The following PALLD variants were observed in gnomAD, a reference collection of about 807,000 sequenced individuals.
PALLD encodes the protein palladin, cytoskeletal associated protein.
PALLD carries 61 observed loss-of-function variants against 123.5 expected under a neutral mutation model. The ratio of observed to expected loss-of-function variants is 0.49; its 90% CI spans 0.40 to 0.61. The LOEUF is 0.61. PALLD is among the 20% of genes least tolerant of loss of function. The pLI is 0.00. For synonymous variants in PALLD, 465 were observed against 496.4 expected, an observed-to-expected ratio of 0.94 and a Z score of 0.84; for missense variants, 1,273 against 1,377.0, an observed-to-expected ratio of 0.92 and a Z score of 1.20.
chr4:168,631,537 G>T, intron 2 of PALLD: 1 of 849,590 alleles, frequency 1.2e-6, no homozygotes, highest in Non-Finnish European at 1.4e-6. Flanking sequence ...TCCTCCCCAG[G>T]ACACACCCTC....
intron 10 of PALLD, among the ~76,000 whole-genome samples, chr4:168,758,835 C>T (rs552567764): frequency 1.2e-3 from 188 of 152,010 alleles, no homozygotes; most frequent in African/African-American, 4.4e-3. Context: ...GCTAGACTCA[C>T]AGATCCATGG....
chr4:168,716,737 T>C (rs1309154132), intron 10 of PALLD, among the ~76,000 whole-genome samples: 1 of 152,170 alleles, frequency 6.6e-6, no homozygotes, highest in East Asian at 1.9e-4. Flanking sequence ...TAAGCAATAA[T>C]AAGCACTGCA....
At chr4:168,603,761 T>C (rs2149735313) in intron 2 of PALLD, among the ~76,000 whole-genome samples, 1 of 152,350 alleles carries the variant, frequency 6.6e-6, no homozygotes, top group African/African-American at 2.4e-5. Flanking sequence ...TCGTGTATTC[T>C]TTCCATATTT....
chr4:168,917,851 C>T (rs947993478), intron 17 of PALLD, among the ~76,000 whole-genome samples: 3 of 151,916 alleles, frequency 2.0e-5, no homozygotes, highest in Admixed American at 1.3e-4. Flanking sequence ...AAGAATTATA[C>T]AGTACAGCTA....
intron 10 of PALLD, among the ~76,000 whole-genome samples, chr4:168,721,220 G>A (rs1785979694): frequency 6.6e-6 from 1 of 152,152 alleles, no homozygotes; most frequent in Non-Finnish European, 1.5e-5. Context: ...TTTTACCTAA[G>A]TGCGTAGGAG....
At chr4:168,556,269 G>A (rs1465264851) in intron 2 of PALLD, among the ~76,000 whole-genome samples, 1 of 151,936 alleles carries the variant, frequency 6.6e-6, no homozygotes, top group Non-Finnish European at 1.5e-5. Context: ...CTAATTTTTT[G>A]TATTTTTAGT....
intron 2 of PALLD, among the ~76,000 whole-genome samples, chr4:168,656,238 C>T (rs1475313086): frequency 1.6e-5 from 2 of 125,312 alleles, no homozygotes; most frequent in African/African-American, 6.6e-5. Context: ...CCATTCTCCA[C>T]CCCCCCACCC....
chr4:168,761,964 C>T (rs1455158119), intron 10 of PALLD, among the ~76,000 whole-genome samples: 2 of 151,984 alleles, frequency 1.3e-5, no homozygotes, highest in Non-Finnish European at 2.9e-5. Context: ...CAAACTCAGT[C>T]TTATTTCCCT....
chr4:168,853,198 T>C (rs953496759), intron 10 of PALLD, among the ~76,000 whole-genome samples: 1 of 152,206 alleles, frequency 6.6e-6, no homozygotes, highest in African/African-American at 2.4e-5. Flanking sequence ...GCCAGCATAA[T>C]TACTAGCTTT....
chr4:168,804,402 C>A (rs948201538), intron 10 of PALLD, among the ~76,000 whole-genome samples: 7 of 152,170 alleles, frequency 4.6e-5, no homozygotes, highest in African/African-American at 1.7e-4. Flanking sequence ...CAAGGAGAAT[C>A]TTCAGATTTT....
At chr4:168,594,549 A>G (rs929756986) in intron 2 of PALLD, among the ~76,000 whole-genome samples, 8 of 152,182 alleles carry the variant, frequency 5.3e-5, no homozygotes, top group Admixed American at 5.2e-4. Flanking sequence ...GGTATAGTGA[A>G]AGAGCATCAT....
At chr4:168,678,347 T>C (rs57593128) in intron 3 of PALLD, among the ~76,000 whole-genome samples, 18,258 of 152,040 alleles carry the variant, frequency 0.12, 1,346 homozygotes, top group African/African-American at 0.18. Context: ...ATAGGACATA[T>C]GCAAAAATTG....
intron 10 of PALLD, among the ~76,000 whole-genome samples, chr4:168,865,478 A>G (rs1412725359): frequency 2.6e-5 from 4 of 152,240 alleles, no homozygotes; most frequent in Non-Finnish European, 5.9e-5. Context: ...GAGGAAATAA[A>G]TTGCTCTGAG....
chr4:168,798,098 G>A (rs951515418), intron 10 of PALLD, among the ~76,000 whole-genome samples: 5 of 152,166 alleles, frequency 3.3e-5, no homozygotes, highest in African/African-American at 7.2e-5. Flanking sequence ...ATAGAGCCAA[G>A]GCTCAGGGTT....
chr4:168,614,699 T>G (rs1444892074), intron 2 of PALLD, among the ~76,000 whole-genome samples: 1 of 152,080 alleles, frequency 6.6e-6, no homozygotes, highest in Non-Finnish European at 1.5e-5. Context: ...TTTTCTCTAT[T>G]AACTATTTAA....
chr4:168,913,969 A>G lies in PALLD; in HGVS notation c.2665A>G (p.Asn889Asp). ...TGGACGGCTAATGGTACAGGCTGTC[A>G]ACCAAAGAGGTCGAAGTCCCCGGTC... ...CTGRLMVQAVNQRGRSPRSPS... is the reference protein window; with the variant it reads ...CTGRLMVQAVDQRGRSPRSPS... Residue 889 changes from asparagine (N) to aspartate (D), a missense_variant, in exon 16 of 22, where the codon AAC becomes GAC. Transcript: ENST00000505667. The G allele has an allele frequency of 1.2e-6, 2 of 1,613,588 alleles. No individual in the cohort carries two copies. The highest frequency in any genetic ancestry group is 1.7e-6 in the Non-Finnish European group (2 of 1,179,498).
At chr4:168,703,388 T>C (rs1268491489) in intron 8 of PALLD, among the ~76,000 whole-genome samples, 2 of 120,004 alleles carry the variant, frequency 1.7e-5, no homozygotes, top group Non-Finnish European at 3.2e-5. Flanking sequence ...TGTGTCTTTA[T>C]AGCAGCATGA....
chr4:168,899,115 G>A (rs1474859682), intron 14 of PALLD, among the ~76,000 whole-genome samples: 1 of 152,146 alleles, frequency 6.6e-6, no homozygotes, highest in African/African-American at 2.4e-5. Context: ...GCTCACCACT[G>A]GTTGTAAAAA....
intron 10 of PALLD, among the ~76,000 whole-genome samples, chr4:168,835,288 T>A (rs1460201897): frequency 6.6e-6 from 1 of 152,220 alleles, no homozygotes; most frequent in African/African-American, 2.4e-5. Context: ...ATTTTACAAA[T>A]AATCTTCTAC....
Sources: gnomAD v4.1 joint callset for allele counts (sites outside exome capture counted in the v4.1 genomes callset) on GRCh38, gnomAD v4.1.1 for gene constraint, MANE v1.5 for transcripts, NCBI Gene and HGNC (gene_info 2026-07-23, HGNC 2026-07-21) for gene names.